The following ALK variants were observed in gnomAD, a reference collection of about 807,000 sequenced individuals.
ALK encodes the protein ALK receptor tyrosine kinase.
In ALK, 74 loss-of-function variants were observed where a neutral mutation model predicts 163.1. That is an observed-to-expected ratio of 0.45 (90% CI 0.38 to 0.55). ALK has a LOEUF of 0.55. ALK is among the 20% of genes least tolerant of loss of function. The probability of loss-of-function intolerance (pLI) is 0.00; values close to 1 mark genes in which losing one functional copy is unlikely to be tolerated. For synonymous variants in ALK, 960 were observed against 843.2 expected (o/e 1.14, Z -2.40); for missense variants, 2,063 against 2,105.3 (o/e 0.98, Z 0.39).
chr2:29,455,734 T>G (rs1216805231), intron 4 of ALK, among the ~76,000 whole-genome samples: 1 of 152,194 alleles, frequency 6.6e-6, no homozygotes, highest in Non-Finnish European at 1.5e-5. Context: ...GAAATGGGAA[T>G]TCAAAAGCTT....
chr2:29,639,626 G>C (rs1465143989), intron 3 of ALK, among the ~76,000 whole-genome samples: 1 of 152,160 alleles, frequency 6.6e-6, no homozygotes, highest in Non-Finnish European at 1.5e-5. Context: ...GCGAGCTATA[G>C]GCTTCTACAG....
At chr2:29,572,526 C>G (rs923153303) in intron 3 of ALK, among the ~76,000 whole-genome samples, 1 of 152,288 alleles carries the variant, frequency 6.6e-6, no homozygotes, top group South Asian at 2.1e-4. Context: ...GCCCCCCTGA[C>G]CTTGTGTGCC....
chr2:29,610,444 G>A lies in ALK; in HGVS notation c.953-78328C>T, dbSNP rs143040323. ...CACTTTCATTTAAAGGGTTTCATTC[G>A]TCTTAAATGAGTTCTACTTTCTGCT... On this transcript the variant is annotated intron_variant, in intron 3 of 28. Coordinates refer to ENST00000389048, the MANE Select transcript of ALK (RefSeq NM_004304.5). Among the ~76,000 whole-genome samples, 159 of 152,200 alleles carry A rather than the reference G, an allele frequency of 1.0e-3. 1 individual carries two copies. Among genetic ancestry groups the A allele is most frequent in the African/African-American group, 3.5e-3 (145 of 41,524 alleles).
Position 29,296,937 on chromosome 2 carries a change from A to T in ALK, c.1768T>A (p.Leu590Met), listed in dbSNP as rs780754371. ...MVWHVAAYEGLSLWQWMVLPL... is the reference protein window; with the variant it reads ...MVWHVAAYEGMSLWQWMVLPL... Reference sequence around the variant, plus strand: ...AACACCATCCACTGCCACAGGCTCAAGCCTTCATAGGCGGCGACATGCCAG... The same window carrying T: ...AACACCATCCACTGCCACAGGCTCATGCCTTCATAGGCGGCGACATGCCAG... Residue 590 changes from leucine to methionine, a missense_variant, in exon 9 of 29, where the codon TTG (leucine) becomes ATG (methionine). By Grantham distance (15) the Leu-to-Met change is conservative (BLOSUM62 2). Around this residue, in one of 5 missense-constraint regions of ALK, gnomAD observed 987 missense variants for 939.5 expected, o/e 1.05. Coordinates refer to ENST00000389048, the MANE Select transcript of ALK (RefSeq NM_004304.5). 6.2e-7 allele frequency: 1 copy of T among 1,614,192 alleles called. No homozygotes were observed. Among genetic ancestry groups the T allele is most frequent in the East Asian group, 2.2e-5 (1 of 44,868 alleles).
intron 1 of ALK, among the ~76,000 whole-genome samples, chr2:29,895,988 C>T (rs554326133): frequency 8.5e-5 from 13 of 152,302 alleles, no homozygotes; most frequent in African/African-American, 2.6e-4. Flanking sequence ...TCTCTCCATC[C>T]TGAAGTAAGG....
chr2:29,646,062 T>C (rs1676864344), intron 3 of ALK, among the ~76,000 whole-genome samples: 2 of 151,954 alleles, frequency 1.3e-5, no homozygotes, highest in Admixed American at 1.3e-4. Flanking sequence ...CAGGGCCCTT[T>C]ATCTCTCTTC....
Position 29,500,964 on chromosome 2 carries a change from T to C in ALK, c.1154+30951A>G, listed in dbSNP as rs565428452. On this transcript the variant is annotated intron_variant, in intron 4 of 28. Transcript: ENST00000389048. ...CTGGCATATTCTTGTCTTCCCACTATCAGCACTTGGTCTTGCTTCCTGCAT... is the reference window on the plus strand; with the variant it reads ...CTGGCATATTCTTGTCTTCCCACTACCAGCACTTGGTCTTGCTTCCTGCAT... Among the ~76,000 whole-genome samples the C allele has an allele frequency of 2.0e-5, 3 of 152,314 alleles. No homozygotes were observed. In the East Asian group the frequency reaches 5.8e-4, roughly 29 times the overall value.
At chr2:29,544,788 G>T (rs766559992) in intron 3 of ALK, among the ~76,000 whole-genome samples, 1 of 151,998 alleles carries the variant, frequency 6.6e-6, no homozygotes, top group Non-Finnish European at 1.5e-5. Context: ...TACCTGAGGA[G>T]ACTTAAAAAT....
intron 4 of ALK, among the ~76,000 whole-genome samples, chr2:29,411,242 T>C (rs1033566414): frequency 3.9e-5 from 6 of 152,202 alleles, no homozygotes; most frequent in Non-Finnish European, 5.9e-5. Context: ...ATAACATGAA[T>C]GGAGCTGTCA....
chr2:29,456,878 C>T (rs185094334), intron 4 of ALK, among the ~76,000 whole-genome samples: 2 of 152,228 alleles, frequency 1.3e-5, no homozygotes, highest in Admixed American at 6.5e-5. Context: ...AGAGAATATA[C>T]AATTTATACA....
At chr2:29,309,326 T>A (rs978384786) in intron 8 of ALK, among the ~76,000 whole-genome samples, 21 of 152,246 alleles carry the variant, frequency 1.4e-4, no homozygotes, top group African/African-American at 4.3e-4. Flanking sequence ...GGTCTGTGAT[T>A]AACATACAGC....
At chr2:29,379,697 G>T (rs555503082) in intron 5 of ALK, among the ~76,000 whole-genome samples, 1 of 152,126 alleles carries the variant, frequency 6.6e-6, no homozygotes, top group Admixed American at 6.5e-5. Flanking sequence ...ACATGAAAGC[G>T]CCACAAAAGA....
intron 8 of ALK, among the ~76,000 whole-genome samples, chr2:29,309,255 G>T (rs760335473): frequency 1.3e-5 from 2 of 152,164 alleles, no homozygotes; most frequent in East Asian, 1.9e-4. Context: ...TCTCAATGGG[G>T]TGTTCCCCCA....
chr2:29,338,103 G>A (rs2148267879), intron 5 of ALK, among the ~76,000 whole-genome samples: 1 of 152,206 alleles, frequency 6.6e-6, no homozygotes, highest in African/African-American at 2.4e-5. Flanking sequence ...GATGGGAAGG[G>A]GGTCAGTGAG....
chr2:29,581,764 T>C (rs1307403769), intron 3 of ALK, among the ~76,000 whole-genome samples: 1 of 152,206 alleles, frequency 6.6e-6, no homozygotes, highest in Non-Finnish European at 1.5e-5. Flanking sequence ...GGAGTTCCTT[T>C]CTTCTCTCTT....
intron 1 of ALK, among the ~76,000 whole-genome samples, chr2:29,766,585 A>C (rs7421625): frequency 0.12 from 18,075 of 152,126 alleles, 2,416 homozygotes; most frequent in African/African-American, 0.33. Context: ...TATGGCATCT[A>C]AACAAATATC....
intron 11 of ALK, among the ~76,000 whole-genome samples, chr2:29,255,584 G>A (rs1336594883): frequency 2.6e-5 from 4 of 152,110 alleles, no homozygotes; most frequent in African/African-American, 7.2e-5. Flanking sequence ...ATCAGTATTG[G>A]AGAAGGAACC....
intron 4 of ALK, among the ~76,000 whole-genome samples, chr2:29,507,978 G>A (rs1419590668): frequency 1.3e-5 from 2 of 152,130 alleles, no homozygotes; most frequent in Non-Finnish European, 2.9e-5. Flanking sequence ...TGTTTTATTG[G>A]ACATTTCAAA....
chr2:29,882,080 C>A (rs550638600), intron 1 of ALK, among the ~76,000 whole-genome samples: 3 of 152,110 alleles, frequency 2.0e-5, no homozygotes, highest in Non-Finnish European at 2.9e-5. Context: ...ACAGGGACTC[C>A]GTCTGAGGTT....
Sources: allele counts gnomAD v4.1 joint callset (sites outside exome capture counted in the v4.1 genomes callset), GRCh38; gene constraint gnomAD v4.1.1; regional missense constraint gnomAD v4.1.1; transcripts MANE v1.5; gene names NCBI Gene and HGNC (gene_info 2026-07-23, HGNC 2026-07-21).